OTOGL: variants seen among roughly 807,000 people sequenced by gnomAD.
OTOGL encodes the protein otogelin-like protein.
In OTOGL, 285 loss-of-function variants were observed where a neutral mutation model predicts 318.5. The ratio of observed to expected loss-of-function variants is 0.89; its 90% CI spans 0.81 to 0.99. OTOGL has a LOEUF of 0.99. Ranked by LOEUF, OTOGL falls within the 50% of genes least tolerant of loss-of-function variation. The pLI is 0.00. For synonymous variants in OTOGL, 987 were observed against 936.5 expected (o/e 1.05, Z -0.99); for missense variants, 2,899 against 2,845.6 (o/e 1.02, Z -0.43).
chr12:80,378,086 G>A lies in OTOGL; in HGVS notation c.*38G>A, dbSNP rs371921074. 116 of 1,423,820 alleles carry A rather than the reference G, an allele frequency of 8.1e-5. No homozygotes were observed. Among genetic ancestry groups the A allele is most frequent in the Non-Finnish European group, 9.6e-5 (100 of 1,041,922 alleles). 88.2% of individuals were successfully genotyped at this position (1,423,820 alleles called of 1,614,324 possible). ...CAAGAGCTCTATACAACATCATAAC[G>A]TCAGATAGAATTAACTTTTATTGCT... On this transcript the variant is annotated 3_prime_UTR_variant, in exon 59 of 59. Transcript: ENST00000547103.
At chr12:80,222,009 A>G in intron 6 of OTOGL, 82 bp from the exon 7 acceptor site, 1 of 1,388,836 alleles carries the variant, frequency 7.2e-7, no homozygotes, top group Non-Finnish European at 9.7e-7. Flanking sequence ...TGAAAATTAG[A>G]ATCATTTACC....
At chr12:80,269,408 C>G (rs948802048) in intron 22 of OTOGL, among the ~76,000 whole-genome samples, 3 of 152,176 alleles carry the variant, frequency 2.0e-5, no homozygotes, top group Non-Finnish European at 4.4e-5. Flanking sequence ...TCCACCCTAT[C>G]TTCAATGCTG....
chr12:80,360,898 T>G (rs1212605913), intron 52 of OTOGL, among the ~76,000 whole-genome samples: 1 of 152,132 alleles, frequency 6.6e-6, no homozygotes, highest in African/African-American at 2.4e-5. Flanking sequence ...ATTATGTACA[T>G]GTTAATTCAA....
At chr12:80,208,671 AT>A (rs1359249588) in intron 1 of OTOGL, among the ~76,000 whole-genome samples, 2 of 152,206 alleles carry the variant, frequency 1.3e-5, no homozygotes, top group East Asian at 3.8e-4. Context: ...CTGTTGTTTA[AT>A]TGGGTATTTG....
chr12:80,171,179 C>A (rs532421944), intron 1 of OTOGL, among the ~76,000 whole-genome samples: 3 of 152,090 alleles, frequency 2.0e-5, no homozygotes, highest in Admixed American at 6.6e-5. Flanking sequence ...CTCAAGTGAT[C>A]CTCACGCCTT....
chr12:80,308,036 C>T (rs1423351235), intron 29 of OTOGL, among the ~76,000 whole-genome samples: 6 of 141,004 alleles, frequency 4.3e-5, no homozygotes, highest in Admixed American at 6.9e-5. Flanking sequence ...GGCGGCTGGC[C>T]GCGCGGGGGG....
chr12:80,276,531 A>T (rs1287067811), intron 24 of OTOGL, among the ~76,000 whole-genome samples: 45 of 151,770 alleles, frequency 3.0e-4, no homozygotes, highest in Non-Finnish European at 4.4e-5. Flanking sequence ...TGCTAAGTAT[A>T]GGGAGTATGT....
intron 1 of OTOGL, among the ~76,000 whole-genome samples, chr12:80,139,177 G>A (rs1411010276): frequency 6.6e-6 from 1 of 152,154 alleles, no homozygotes; most frequent in Non-Finnish European, 1.5e-5. Context: ...CTTGGAGATG[G>A]CAGCTCCTTG....
chr12:80,208,229 G>A (rs1294957409), intron 1 of OTOGL: 1 of 517,232 alleles, frequency 1.9e-6, no homozygotes, highest in Non-Finnish European at 3.9e-6. Context: ...GTTATCTAGA[G>A]CAAGAGTAAA....
Position 80,262,054 on chromosome 12 carries a change from G to A in OTOGL, c.1975G>A (p.Val659Ile), listed in dbSNP as rs76258355. The change falls in exon 19 of 59, where the codon GTC becomes ATC. Residue 659 changes from valine (V) to isoleucine (I), a missense_variant. By Grantham distance (29) the Val-to-Ile change is conservative (BLOSUM62 3). Around this residue, in one of 3 missense-constraint regions of OTOGL, gnomAD observed 2,607 missense variants for 2,524.9 expected, o/e 1.03. Transcript: ENST00000547103. ...TTCTACCTGTTTTGCACCTGTTCAT[G>A]TCCCAGTGGTGGACCCCTGTAACAT... ...VSSTCFAPVH[V>I]PVVDPCNINQ... is the part of the protein sequence containing the mutation. 3.9e-3 allele frequency: 6,351 copies of A among 1,612,654 alleles called. 216 individuals carry two copies. The African/African-American group carries it at 0.073, about 19-fold the overall frequency.
intron 18 of OTOGL, among the ~76,000 whole-genome samples, chr12:80,260,176 AG>A (rs1882411653): frequency 6.6e-6 from 1 of 152,096 alleles, no homozygotes; most frequent in Non-Finnish European, 1.5e-5. Flanking sequence ...TGAATGGGCA[AG>A]GGGAACTGGC....
rs1177817300 is a variant in OTOGL at position 80,339,250 on chromosome 12, C to A, written c.5036C>A (p.Thr1679Lys). 6.3e-7 allele frequency: 1 copy of A among 1,590,696 alleles called. No homozygotes were observed. Among genetic ancestry groups the A allele is most frequent in the Non-Finnish European group, 8.6e-7 (1 of 1,166,070 alleles). Residue 1679 changes from threonine to lysine, a missense_variant, in exon 43 of 59, where the codon ACA (threonine) becomes AAA (lysine). By Grantham distance (78) the Thr-to-Lys change is moderately conservative (BLOSUM62 -1). Coordinates refer to ENST00000547103, the MANE Select transcript of OTOGL (RefSeq NM_001378609.3). ...TTCCGATTTAACTTGTCATCCTACA[C>A]AGAAGGACTCTGTGGTGAGCGCTGC... Reference protein sequence around the residue: ...FGFRFNLSSYTEGLCGICNED... With the variant: ...FGFRFNLSSYKEGLCGICNED...
At chr12:80,359,023 A>C in intron 52 of OTOGL, 123 bp downstream of exon 52, 1 of 803,392 alleles carries the variant, frequency 1.2e-6, no homozygotes, top group Non-Finnish European at 1.9e-6. Flanking sequence ...ATTGTACTAA[A>C]GTAGATTAAA....
Position 80,356,524 on chromosome 12 carries a change from A to G in OTOGL, c.5911+4A>G, listed in dbSNP as rs1889911885. ...TGCTGTCCACAGTACAAATGTGGTA[A>G]GTAATCAATATAGAAAATTAAGAGT... On this transcript the variant is annotated splice_donor_region_variant and intron_variant, in intron 48 of 58. Coordinates refer to ENST00000547103, the MANE Select transcript of OTOGL (RefSeq NM_001378609.3). 2 of 1,570,890 alleles carry G rather than the reference A, an allele frequency of 1.3e-6. No homozygotes were observed. Among genetic ancestry groups the G allele is most frequent in the African/African-American group, 2.7e-5 (2 of 73,474 alleles).
chr12:80,317,322 G>C (rs955796744), intron 32 of OTOGL, among the ~76,000 whole-genome samples: 1 of 152,116 alleles, frequency 6.6e-6, no homozygotes, highest in Non-Finnish European at 1.5e-5. Flanking sequence ...AATGACTTTT[G>C]TCTCCCAGTT....
Position 80,217,589 on chromosome 12 carries a change from CT to C in OTOGL, c.169-6del. On this transcript the variant is annotated splice_region_variant and splice_polypyrimidine_tract_variant and intron_variant, in intron 4 of 58. Transcript: ENST00000547103. The stretch of plus-strand genomic sequence containing the variant: ...AACTGTATTGCATTCTCATTTCTTT[CT>C]TTCAAAGTTTGAAGCTACTTCTCCG... 1.3e-6 allele frequency: 2 copies of C among 1,514,390 alleles called. No individual in the cohort carries two copies. The highest frequency in any genetic ancestry group is 8.9e-7 in the Non-Finnish European group (1 of 1,118,574). 93.8% of individuals were successfully genotyped at this position (1,514,390 alleles called of 1,614,324 possible).
chr12:80,187,367 C>G (rs1385221759), intron 1 of OTOGL, among the ~76,000 whole-genome samples: 1 of 151,948 alleles, frequency 6.6e-6, no homozygotes, highest in Admixed American at 6.6e-5. Context: ...TGGGGCCAAT[C>G]TGTGGCCATA....
chr12:80,190,667 A>G (rs1446667588), intron 1 of OTOGL, among the ~76,000 whole-genome samples: 5 of 151,952 alleles, frequency 3.3e-5, no homozygotes, highest in Admixed American at 6.6e-5. Flanking sequence ...GGCGCCTGTA[A>G]TCCCAGCTAC....
At chr12:80,265,313 G>T in intron 20 of OTOGL, 103 bp downstream of exon 20, 2 of 1,129,684 alleles carry the variant, frequency 1.8e-6, no homozygotes, top group Non-Finnish European at 2.5e-6. Flanking sequence ...AATATTGCAT[G>T]TAAGTTATTT....
Sources: allele counts gnomAD v4.1 joint callset (sites outside exome capture counted in the v4.1 genomes callset), GRCh38; gene constraint gnomAD v4.1.1; regional missense constraint gnomAD v4.1.1; transcripts MANE v1.5; gene names NCBI Gene and HGNC (gene_info 2026-07-23, HGNC 2026-07-21).